Variants in NCAPD3 observed in about 807,000 individuals in gnomAD.
The protein encoded by NCAPD3 is non-SMC condensin II complex subunit D3.
A neutral mutation model predicts 182.9 loss-of-function variants in NCAPD3; 105 were observed. The observed-to-expected ratio is 0.57, with a 90% CI of 0.49 to 0.68. The LOEUF (loss-of-function observed/expected upper bound fraction) is 0.68, where lower values mean the gene tolerates loss of function less well. Ranked by LOEUF, NCAPD3 falls within the 30% of genes least tolerant of loss-of-function variation. The probability of loss-of-function intolerance (pLI) is 0.00; values close to 1 mark genes in which losing one functional copy is unlikely to be tolerated. For synonymous variants in NCAPD3, 815 were observed against 679.9 expected (o/e 1.20, Z -3.09); for missense variants, 1,944 against 1,837.0 (o/e 1.06, Z -1.07).
At chr11:134,157,427 CAAGGATGTTT>C (rs2120519918) in intron 31 of NCAPD3, among the ~76,000 whole-genome samples, 1 of 152,206 alleles carries the variant, frequency 6.6e-6, no homozygotes, top group Admixed American at 6.5e-5. Flanking sequence ...GCTATATGTA[CAAGGATGTTT>C]ACTGTGATAG....
chr11:134,155,049 C>CG (rs1457666285), intron 32 of NCAPD3, among the ~76,000 whole-genome samples: 1 of 152,182 alleles, frequency 6.6e-6, no homozygotes, highest in Non-Finnish European at 1.5e-5. Context: ...AGCCCGGGTG[C>CG]GGGGGCTCTG....
chr11:134,177,180 T>A, intron 23 of NCAPD3, 39 bp downstream of exon 23: 1 of 1,455,946 alleles, frequency 6.9e-7, no homozygotes, highest in Non-Finnish European at 9.6e-7. Flanking sequence ...CCAGAAGCAA[T>A]GGTGAAGGGG....
chr11:134,167,324 A>G (rs1234745243), intron 27 of NCAPD3, among the ~76,000 whole-genome samples: 1 of 62,998 alleles, frequency 1.6e-5, no homozygotes, highest in Non-Finnish European at 2.6e-5. Flanking sequence ...TTGTGAAATG[A>G]GCCTGGGGGA....
chr11:134,206,495 T>C, intron 8 of NCAPD3, 104 bp downstream of exon 8: 1 of 1,475,810 alleles, frequency 6.8e-7, no homozygotes. Context: ...AAAACCACCA[T>C]CAGGCCAGAA....
At chr11:134,167,203 G>A (rs1591828918) in intron 27 of NCAPD3, among the ~76,000 whole-genome samples, 1 of 132,172 alleles carries the variant, frequency 7.6e-6, no homozygotes, top group African/African-American at 2.9e-5. Context: ...TGAGCTTAGG[G>A]AGAGCAGCAC....
At chr11:134,161,102 G>C (rs1005080219) in intron 28 of NCAPD3, among the ~76,000 whole-genome samples, 4 of 151,878 alleles carry the variant, frequency 2.6e-5, no homozygotes, top group African/African-American at 9.7e-5. Context: ...AATTTTTGTT[G>C]AGGCCTTTAT....
intron 1 of NCAPD3, chr11:134,223,116 T>C: frequency 2.7e-6 from 1 of 371,064 alleles, no homozygotes; most frequent in South Asian, 4.4e-5. Context: ...GCCAAGGATG[T>C]GGTCATTTAT....
intron 30 of NCAPD3, 97 bp downstream of exon 30, chr11:134,158,232 C>A: frequency 1.3e-6 from 2 of 1,550,912 alleles, no homozygotes; most frequent in South Asian, 1.2e-5. Flanking sequence ...CAGACAATGA[C>A]AATGACTTTC....
chr11:134,155,198 T>C (rs1432546588), intron 32 of NCAPD3, among the ~76,000 whole-genome samples: 3 of 152,246 alleles, frequency 2.0e-5, no homozygotes, highest in African/African-American at 7.2e-5. Context: ...AATTTTCATT[T>C]CCATTTAGCA....
chr11:134,170,165 G>C (rs953017252), intron 24 of NCAPD3, among the ~76,000 whole-genome samples: 1 of 152,204 alleles, frequency 6.6e-6, no homozygotes, highest in African/African-American at 2.4e-5. Flanking sequence ...TTCCACTGTA[G>C]ATAATTACAC....
At chr11:134,155,044 G>C (rs79506552) in intron 32 of NCAPD3, among the ~76,000 whole-genome samples, 1 of 152,106 alleles carries the variant, frequency 6.6e-6, no homozygotes, top group African/African-American at 2.4e-5. Context: ...ACAGAAGCCC[G>C]GGTGCGGGGG....
chr11:134,158,138 G>T, intron 30 of NCAPD3, 71 bp from the exon 31 acceptor site: 1 of 1,556,340 alleles, frequency 6.4e-7, no homozygotes, highest in Non-Finnish European at 8.7e-7. Context: ...GCTGCACTGT[G>T]TCCCCGCGTG....
At chr11:134,154,479 C>CT (rs1000040961) in intron 32 of NCAPD3, among the ~76,000 whole-genome samples, 5 of 127,662 alleles carry the variant, frequency 3.9e-5, no homozygotes, top group African/African-American at 1.7e-4. Flanking sequence ...TTCTCTGCAC[C>CT]CCCCCCCCCA....
intron 2 of NCAPD3, among the ~76,000 whole-genome samples, chr11:134,218,115 G>A (rs868137524): frequency 9.0e-6 from 1 of 110,872 alleles, no homozygotes; most frequent in African/African-American, 2.9e-5. Context: ...AAAAAAGGGG[G>A]GGGGGGGAAG....
chr11:134,197,568 C>T (rs7105263), intron 13 of NCAPD3, among the ~76,000 whole-genome samples: 39,896 of 152,046 alleles, frequency 0.26, 5,574 homozygotes, highest in African/African-American at 0.36. Context: ...TGAGCCACCA[C>T]GCCTGGCCAC....
At chr11:134,168,308 G>A (rs1943918991) in intron 26 of NCAPD3, 113 bp from the exon 27 acceptor site, 1 of 1,443,614 alleles carries the variant, frequency 6.9e-7, no homozygotes. Context: ...GGGTCTGCAA[G>A]GGTGTTTTGT....
intron 32 of NCAPD3, among the ~76,000 whole-genome samples, chr11:134,154,805 C>T (rs1943374096): frequency 6.6e-6 from 1 of 152,230 alleles, no homozygotes; most frequent in Admixed American, 6.5e-5. Flanking sequence ...ACTGTGTCTT[C>T]CCATTTACAG....
At chr11:134,156,851 T>C (rs1943434536) in intron 32 of NCAPD3, 167 bp downstream of exon 32, 2 of 584,988 alleles carry the variant, frequency 3.4e-6, no homozygotes, top group Non-Finnish European at 6.0e-6. Flanking sequence ...TGCTCATGGA[T>C]CAAGCGACCG....
chr11:134,213,906 C>T lies in NCAPD3; in HGVS notation c.382+3030G>A, dbSNP rs942043001. Among the ~76,000 whole-genome samples the T allele has an allele frequency of 5.3e-5, 8 of 152,072 alleles. No individual in the cohort carries two copies. The East Asian group carries it at 1.5e-3, about 29-fold the overall frequency. ...CAATCATAAATACATCTGTATCCGT[C>T]AGACTTTCACAATATCTTAAGTTAA... On this transcript the variant is annotated intron_variant, in intron 3 of 34. Transcript: ENST00000534548.
Sources: allele counts gnomAD v4.1 joint callset (sites outside exome capture counted in the v4.1 genomes callset), GRCh38; gene constraint gnomAD v4.1.1; transcripts MANE v1.5; gene names NCBI Gene and HGNC (gene_info 2026-07-23, HGNC 2026-07-21).